C12orf42: variants seen among roughly 807,000 people sequenced by gnomAD.
C12orf42 encodes uncharacterized protein C12orf42.
A neutral mutation model predicts 21.6 loss-of-function variants in C12orf42; 25 were observed. That is an observed-to-expected ratio of 1.16 (90% CI 0.84 to 1.62). The LOEUF (loss-of-function observed/expected upper bound fraction) is 1.62, where lower values mean the gene tolerates loss of function less well. Ranked by LOEUF, C12orf42 falls within the 40% of genes most tolerant of loss-of-function variation. The probability of loss-of-function intolerance (pLI) is 0.00; values close to 1 mark genes in which losing one functional copy is unlikely to be tolerated. For missense variants in C12orf42, 483 were observed against 459.3 expected, an observed-to-expected ratio of 1.05 and a Z score of -0.47; for synonymous variants, 174 against 175.0, an observed-to-expected ratio of 0.99 and a Z score of 0.05.
At chr12:103,444,195 G>T (rs1951436839) in intron 2 of C12orf42, among the ~76,000 whole-genome samples, 1 of 151,848 alleles carries the variant, frequency 6.6e-6, no homozygotes, top group Non-Finnish European at 1.5e-5. Context: ...AGCTTCTTAA[G>T]TTGAAAGCTT....
intron 2 of C12orf42, among the ~76,000 whole-genome samples, chr12:103,434,947 A>G (rs569058433): frequency 6.6e-6 from 1 of 152,372 alleles, no homozygotes; most frequent in South Asian, 2.1e-4. Context: ...CTCGGGGGGC[A>G]GGGCACAGAC....
At chr12:103,086,567 A>G in the C12orf42 span, among the ~76,000 whole-genome samples, 2 of 150,758 alleles carry the variant, frequency 1.3e-5, no homozygotes, top group African/African-American at 4.9e-5. Context: ...AATATCTTGA[A>G]GTTTTGAGGG....
chr12:103,422,265 T>C (rs919882610), intron 2 of C12orf42, among the ~76,000 whole-genome samples: 16 of 152,204 alleles, frequency 1.1e-4, no homozygotes, highest in Non-Finnish European at 1.6e-4. Context: ...TTTGCAGTAC[T>C]TTCAAGAAAC....
the C12orf42 span, among the ~76,000 whole-genome samples, chr12:103,231,618 A>G: frequency 2.4e-4 from 36 of 152,052 alleles, no homozygotes; most frequent in Non-Finnish European, 4.6e-4. Flanking sequence ...AGTTTTTTCC[A>G]TGTCTTTTGA....
intron 2 of C12orf42, among the ~76,000 whole-genome samples, chr12:103,429,885 A>G (rs1024431387): frequency 2.0e-5 from 3 of 152,248 alleles, no homozygotes. Context: ...TTCCCTATTT[A>G]ATAAATGGTG....
chr12:103,557,133 A>G, the C12orf42 span, among the ~76,000 whole-genome samples: 1 of 152,326 alleles, frequency 6.6e-6, no homozygotes, highest in East Asian at 1.9e-4. Flanking sequence ...TCCAAGAGGA[A>G]ACGAAACAAT....
At chr12:103,147,914 A>C in the C12orf42 span, among the ~76,000 whole-genome samples, 1 of 152,176 alleles carries the variant, frequency 6.6e-6, no homozygotes, top group Non-Finnish European at 1.5e-5. Flanking sequence ...TTTGTGGTTT[A>C]ACTTTTCTTA....
chr12:103,451,419 C>T (rs907985249), intron 2 of C12orf42, among the ~76,000 whole-genome samples: 5 of 151,740 alleles, frequency 3.3e-5, no homozygotes, highest in African/African-American at 1.2e-4. Context: ...TGTCTACGTT[C>T]CCAAGGCTAG....
chr12:103,540,617 T>C, the C12orf42 span, among the ~76,000 whole-genome samples: 2 of 152,226 alleles, frequency 1.3e-5, no homozygotes, highest in African/African-American at 4.8e-5. Flanking sequence ...ACCGCAGCTT[T>C]CCTGTGGCCT....
chr12:103,256,113 CACACACA>C, intron 10 of C12orf42, among the ~76,000 whole-genome samples: 1 of 23,176 alleles, frequency 4.3e-5, no homozygotes, highest in Non-Finnish European at 8.6e-5. Flanking sequence ...TATATATATA[CACACACA>C]CACACACACA....
chr12:103,228,266 C>G, the C12orf42 span, among the ~76,000 whole-genome samples: 1 of 152,036 alleles, frequency 6.6e-6, no homozygotes, highest in Admixed American at 6.5e-5. Context: ...AGGAAAATTA[C>G]AGTCAAAGGG....
At chr12:103,184,111 C>A in the C12orf42 span, among the ~76,000 whole-genome samples, 2 of 152,168 alleles carry the variant, frequency 1.3e-5, no homozygotes, top group Non-Finnish European at 2.9e-5. Flanking sequence ...AGCTTATTTT[C>A]TGTCTATTAA....
the C12orf42 span, among the ~76,000 whole-genome samples, chr12:103,095,680 C>T: frequency 1.4e-4 from 22 of 152,264 alleles, no homozygotes; most frequent in African/African-American, 3.6e-4. Flanking sequence ...AAAATTTCCA[C>T]GGAGGCAGAG....
intron 4 of C12orf42, among the ~76,000 whole-genome samples, chr12:103,307,819 G>C (rs1193794238): frequency 3.9e-5 from 6 of 152,144 alleles, no homozygotes. Flanking sequence ...TGAGATTTGA[G>C]TGCTGAGATC....
the C12orf42 span, among the ~76,000 whole-genome samples, chr12:103,543,877 T>G: frequency 1.3e-4 from 15 of 114,748 alleles, 1 homozygote; most frequent in African/African-American, 6.3e-4. Flanking sequence ...GTTTGGTTTT[T>G]GGGTTTTTTT....
At chr12:103,073,586 T>C in the C12orf42 span, among the ~76,000 whole-genome samples, 1 of 152,152 alleles carries the variant, frequency 6.6e-6, no homozygotes, top group Non-Finnish European at 1.5e-5. Context: ...CTGAGAGAAT[T>C]TGCAGAGATA....
At chr12:103,333,970 C>T (rs1255336709) in intron 4 of C12orf42, among the ~76,000 whole-genome samples, 1 of 152,200 alleles carries the variant, frequency 6.6e-6, no homozygotes, top group Admixed American at 6.5e-5. Context: ...AGTGCCCTAA[C>T]TTCAAGCGCT....
At chr12:103,126,760 C>T in the C12orf42 span, among the ~76,000 whole-genome samples, 148 of 150,714 alleles carry the variant, frequency 9.8e-4, 3 homozygotes, top group South Asian at 0.021. Context: ...TAAGACTGTT[C>T]GCAAAAACTA....
At chr12:103,435,491 T>C (rs1381552761) in intron 2 of C12orf42, among the ~76,000 whole-genome samples, 1 of 152,172 alleles carries the variant, frequency 6.6e-6, no homozygotes, top group East Asian at 1.9e-4. Context: ...GCAAAGAAGT[T>C]GAAAACTTTG....
Sources: gnomAD v4.1 joint callset for allele counts (sites outside exome capture counted in the v4.1 genomes callset) on GRCh38, gnomAD v4.1.1 for gene constraint, MANE v1.5 for transcripts, NCBI Gene and HGNC (gene_info 2026-07-23, HGNC 2026-07-21) for gene names.